MICAL3: variants seen among roughly 807,000 people sequenced by gnomAD.
MICAL3 encodes [F-actin]-monooxygenase MICAL3.
In MICAL3, 62 loss-of-function variants were observed where a neutral mutation model predicts 207.4. That is an observed-to-expected ratio of 0.30 (90% CI 0.24 to 0.37). MICAL3 has a LOEUF of 0.37. Among genes scored for constraint, MICAL3 ranks in the 10% least tolerant of loss-of-function variants. MICAL3 has a pLI of 1.00. For missense variants in MICAL3, 2,368 were observed against 2,635.6 expected (o/e 0.90, Z 2.22); for synonymous variants, 1,077 against 1,069.3 (o/e 1.01, Z -0.14).
chr22:17,931,104 C>T (rs995059835), intron 1 of MICAL3, among the ~76,000 whole-genome samples: 1 of 152,190 alleles, frequency 6.6e-6, no homozygotes, highest in Non-Finnish European at 1.5e-5. Flanking sequence ...TCTCTGACAT[C>T]CCCACCATCT....
At chr22:17,947,062 G>C (rs951029764) in intron 1 of MICAL3, among the ~76,000 whole-genome samples, 1 of 152,234 alleles carries the variant, frequency 6.6e-6, no homozygotes, top group Admixed American at 6.5e-5. Context: ...AAGGAGGAGT[G>C]AGACTTCAGA....
In MICAL3 at chr22:17,821,483, G is replaced by A. The variant is rs1428102670; in HGVS notation, c.3475C>T (p.Arg1159Trp). 14 of 1,542,286 alleles carry A rather than the reference G, an allele frequency of 9.1e-6. No homozygotes were observed. Among genetic ancestry groups the A allele is most frequent in the East Asian group, 2.5e-5 (1 of 40,128 alleles). ...RGPSQATSPI[R>W]SPQESALLFI... ...AGAAGAGCTGATTCCTGGGGAGACCGGATGGGGCTGGTGGCTTGGGAGGGA... is the reference window on the plus strand; with the variant it reads ...AGAAGAGCTGATTCCTGGGGAGACCAGATGGGGCTGGTGGCTTGGGAGGGA... The change falls in exon 25 of 32, where the codon CGG becomes TGG. Residue 1159 changes from arginine to tryptophan, a missense_variant. Arg to Trp is a moderately radical substitution (Grantham distance 101). Around this residue, in one of 4 missense-constraint regions of MICAL3, gnomAD observed 1,770 missense variants for 1,863.2 expected, o/e 0.95. Coordinates refer to ENST00000441493, the MANE Select transcript of MICAL3 (RefSeq NM_015241.3).
intron 29 of MICAL3, among the ~76,000 whole-genome samples, chr22:17,804,649 G>A (rs899938426): frequency 2.6e-5 from 4 of 152,172 alleles, no homozygotes; most frequent in Non-Finnish European, 5.9e-5. Flanking sequence ...GGGCACTGCC[G>A]AGAGGCTGGG....
intron 29 of MICAL3, among the ~76,000 whole-genome samples, chr22:17,806,553 C>A (rs957978233): frequency 2.6e-5 from 4 of 151,730 alleles, no homozygotes; most frequent in East Asian, 1.9e-4. Flanking sequence ...GTTAAAAAAA[C>A]CAAAAACCAA....
intron 16 of MICAL3, among the ~76,000 whole-genome samples, chr22:17,877,045 T>G (rs201155086): frequency 1.7e-3 from 120 of 69,492 alleles, no homozygotes; most frequent in Middle Eastern, 0.01. Context: ...AGGGAGGTTA[T>G]GGAGGTTAGG....
intron 16 of MICAL3, among the ~76,000 whole-genome samples, chr22:17,877,306 T>TGGAGGTTAG (rs1569110175): frequency 5.1e-5 from 2 of 38,888 alleles, no homozygotes; most frequent in Non-Finnish European, 1.0e-4. Context: ...AGGGAGGTTA[T>TGGAGGTTAG]GGAGGTTAGG....
rs752528917 is a variant in MICAL3 at position 17,900,169 on chromosome 22, A to G, written c.848-621T>C. On this transcript the variant is annotated intron_variant, in intron 6 of 31. Transcript: ENST00000441493. The surrounding 1 kb of genome is among the most constrained non-coding windows in gnomAD (Gnocchi z 4.0). Reference sequence around the variant, plus strand: ...TCAGGAAGAAGACTACATACTTAAAAGGCCTAAAGTCAGCTTCCCAAGCAA... The same window carrying G: ...TCAGGAAGAAGACTACATACTTAAAGGGCCTAAAGTCAGCTTCCCAAGCAA... Among the ~76,000 whole-genome samples, 12 of 152,202 alleles carry G rather than the reference A, an allele frequency of 7.9e-5. No individual in the cohort carries two copies. Among genetic ancestry groups the G allele is most frequent in the Non-Finnish European group, 1.6e-4 (11 of 68,044 alleles).
At chr22:17,878,837 T>C (rs1929145332) in intron 16 of MICAL3, among the ~76,000 whole-genome samples, 1 of 152,178 alleles carries the variant, frequency 6.6e-6, no homozygotes, top group African/African-American at 2.4e-5. Context: ...CATTTTGCCA[T>C]CACCTACCTT....
intron 16 of MICAL3, among the ~76,000 whole-genome samples, chr22:17,877,875 G>C (rs922777359): frequency 6.6e-6 from 1 of 150,646 alleles, no homozygotes; most frequent in African/African-American, 2.4e-5. Context: ...GTCTGATTCT[G>C]TCGCCCTGGC....
rs1255135733 is a variant in MICAL3 at position 17,817,995 on chromosome 22, G to A, written c.4666C>T (p.Pro1556Ser). ...PPSCWPRPEK[P>S]RHPPLAKENG... The stretch of plus-strand genomic sequence containing the variant: ...TCCTTGGCCAGGGGCGGGTGGCGAG[G>A]CTTCTCGGGGCGCGGCCAGCAGGAC... Residue 1556 changes from proline to serine, a missense_variant, in exon 26 of 32, where the codon CCT (proline) becomes TCT (serine). This residue lies in a region of MICAL3 where 1,770 missense variants were observed against 1,863.2 expected (regional missense o/e 0.95). Coordinates refer to ENST00000441493, the MANE Select transcript of MICAL3 (RefSeq NM_015241.3). 3 of 1,612,192 alleles carry A rather than the reference G, an allele frequency of 1.9e-6. No individual in the cohort carries two copies. Among genetic ancestry groups the A allele is most frequent in the African/African-American group, 1.3e-5 (1 of 75,060 alleles).
intron 20 of MICAL3, among the ~76,000 whole-genome samples, chr22:17,833,819 CAGG>C (rs1923066757): frequency 6.6e-6 from 1 of 152,166 alleles, no homozygotes; most frequent in African/African-American, 2.4e-5. Context: ...TAGTATTGCT[CAGG>C]TGAGCAATAC....
At chr22:17,975,620 A>G (rs1935596376) in intron 1 of MICAL3, among the ~76,000 whole-genome samples, 1 of 152,238 alleles carries the variant, frequency 6.6e-6, no homozygotes, top group Non-Finnish European at 1.5e-5. Flanking sequence ...TACCTGATAA[A>G]GAGAGCTAAA....
At chr22:17,896,179 C>T (rs1200613669) in intron 9 of MICAL3, 67 bp downstream of exon 9, 1 of 849,118 alleles carries the variant, frequency 1.2e-6, no homozygotes, top group African/African-American at 1.7e-5. Flanking sequence ...TGCACTCTGC[C>T]TGAAGAGTAA....
At chr22:17,953,208 C>T (rs1204694085) in intron 1 of MICAL3, among the ~76,000 whole-genome samples, 1 of 152,128 alleles carries the variant, frequency 6.6e-6, no homozygotes, top group African/African-American at 2.4e-5. Flanking sequence ...TAACATTCAG[C>T]CAAGCTTTCT....
In MICAL3 at chr22:17,902,010, A is replaced by C; in HGVS notation, c.590-31T>G. On this transcript the variant is annotated intron_variant, in intron 4 of 31. Transcript: ENST00000441493. This position sits in a 1 kb window ranked among gnomAD's most constrained non-coding sequence, Gnocchi z 4.5. ...AACCAAAACCAAATAAATGGGGGTC[A>C]CCACCCAGACCACATTCACAGCCAG... is the stretch of plus-strand genomic sequence containing the variant. The C allele has an allele frequency of 1.3e-6, 2 of 1,481,592 alleles. No homozygotes were observed. The highest frequency in any genetic ancestry group is 1.9e-6 in the Non-Finnish European group (2 of 1,068,508). The allele number at this position is 1,481,592 out of a possible 1,614,324, so 91.8% of individuals were successfully genotyped here. A position where few individuals can be genotyped will look rare whatever the true frequency, so the allele number is the denominator to read the frequency against.
In MICAL3 at chr22:17,901,152, C is replaced by G. The variant is rs1931286377; in HGVS notation, c.692-155G>C. Reference sequence around the variant, plus strand: ...AGCTCTTCTGCAGATGAAAATAAGGCATTTACCTACCCAAGAATATGAAAA... The same window carrying G: ...AGCTCTTCTGCAGATGAAAATAAGGGATTTACCTACCCAAGAATATGAAAA... On this transcript the variant is annotated intron_variant, in intron 5 of 31. Coordinates refer to ENST00000441493, the MANE Select transcript of MICAL3 (RefSeq NM_015241.3). Among the ~76,000 whole-genome samples, 3 of 152,160 alleles carry G rather than the reference C, an allele frequency of 2.0e-5. No individual in the cohort carries two copies. In the South Asian group the frequency reaches 6.2e-4, roughly 32 times the overall value.
intron 1 of MICAL3, among the ~76,000 whole-genome samples, chr22:17,952,838 G>A (rs1195542253): frequency 6.6e-6 from 1 of 152,232 alleles, no homozygotes. Context: ...CTCTGTCCAT[G>A]TGGCTCTGGG....
chr22:17,897,048 C>A, intron 7 of MICAL3, 67 bp from the exon 8 acceptor site: 3 of 1,493,966 alleles, frequency 2.0e-6, no homozygotes, highest in East Asian at 4.5e-5. Context: ...CCATGTTACA[C>A]AACCCAGGGC....
chr22:17,959,388 C>T (rs531194574), intron 1 of MICAL3, among the ~76,000 whole-genome samples: 3 of 150,834 alleles, frequency 2.0e-5, no homozygotes, highest in African/African-American at 7.4e-5. Context: ...AATCTTGGTT[C>T]ACTGCAACCT....
Sources: allele counts gnomAD v4.1 joint callset (sites outside exome capture counted in the v4.1 genomes callset), GRCh38; gene constraint gnomAD v4.1.1; regional missense constraint gnomAD v4.1.1; non-coding constraint Gnocchi (gnomAD v3.1); transcripts MANE v1.5; gene names NCBI Gene and HGNC (gene_info 2026-07-23, HGNC 2026-07-21).